SMIM36: variants seen among roughly 807,000 people sequenced by gnomAD.
The protein encoded by SMIM36 is small integral membrane protein 36.
At chr17:55,505,889 AAAATAAATG>A (rs1248785318) in intron 1 of SMIM36, among the ~76,000 whole-genome samples, 1 of 108,680 alleles carries the variant, frequency 9.2e-6, no homozygotes, top group Non-Finnish European at 1.7e-5. Flanking sequence ...CTCAGGATAC[AAAATAAATG>A]TACAAAAATC....
chr17:55,495,610 A>G (rs1054151227), intron 1 of SMIM36, among the ~76,000 whole-genome samples: 2 of 150,096 alleles, frequency 1.3e-5, no homozygotes, highest in Non-Finnish European at 2.9e-5. Context: ...CAACATAGTG[A>G]GAACCCTGTC....
chr17:55,528,392 C>T, the SMIM36 span, among the ~76,000 whole-genome samples: 1 of 151,966 alleles, frequency 6.6e-6, no homozygotes, highest in Non-Finnish European at 1.5e-5. Flanking sequence ...TACTCTGTCA[C>T]CCAGGCCTGA....
upstream of SMIM36, among the ~76,000 whole-genome samples, chr17:55,515,279 C>A (rs1189995156): frequency 2.6e-5 from 4 of 152,092 alleles, no homozygotes; most frequent in African/African-American, 9.7e-5. Flanking sequence ...CATAACCTAA[C>A]TTTCAACCTA....
intron 1 of SMIM36, among the ~76,000 whole-genome samples, chr17:55,480,786 T>C (rs912927284): frequency 1.3e-5 from 2 of 152,196 alleles, no homozygotes; most frequent in Non-Finnish European, 2.9e-5. Flanking sequence ...GAGACAATGG[T>C]TGCTCTTTGC....
the SMIM36 span, among the ~76,000 whole-genome samples, chr17:55,529,159 G>C: frequency 6.6e-6 from 1 of 152,202 alleles, no homozygotes; most frequent in South Asian, 2.1e-4. Context: ...AAAAAATGGA[G>C]GTGACAGAAC....
intron 1 of SMIM36, among the ~76,000 whole-genome samples, chr17:55,501,954 AG>A (rs1301721154): frequency 6.7e-6 from 1 of 148,772 alleles, no homozygotes; most frequent in Admixed American, 6.7e-5. Flanking sequence ...AGTCAAAGAA[AG>A]GGGTGACGGA....
chr17:55,498,280 C>T (rs1460674635), intron 1 of SMIM36, among the ~76,000 whole-genome samples: 3 of 152,186 alleles, frequency 2.0e-5, no homozygotes, highest in African/African-American at 7.2e-5. Context: ...TCCTGAGGTA[C>T]AGGGTAAGGA....
At chr17:55,462,587 C>T (rs146459237) in intron 4 of SMIM36, among the ~76,000 whole-genome samples, 1 of 152,224 alleles carries the variant, frequency 6.6e-6, no homozygotes, top group Non-Finnish European at 1.5e-5. Context: ...GCCTGGGCAA[C>T]AGAGTGAGAT....
chr17:55,462,577 G>C (rs1243071996), intron 4 of SMIM36, among the ~76,000 whole-genome samples: 1 of 152,170 alleles, frequency 6.6e-6, no homozygotes, highest in Non-Finnish European at 1.5e-5. Context: ...CTGCACTCCA[G>C]CCTGGGCAAC....
At chr17:55,453,352 G>T (rs2143223997) in intron 4 of SMIM36, among the ~76,000 whole-genome samples, 1 of 151,708 alleles carries the variant, frequency 6.6e-6, no homozygotes, top group East Asian at 1.9e-4. Flanking sequence ...ATGCAGTTAG[G>T]TTTTGAAGCA....
At chr17:55,516,288 T>C (rs543366481), upstream of SMIM36, among the ~76,000 whole-genome samples, 1 of 152,338 alleles carries the variant, frequency 6.6e-6, no homozygotes, top group African/African-American at 2.4e-5. Flanking sequence ...TCTCTTCTCC[T>C]TCATCATCCA....
At chr17:55,484,048 G>A (rs4432304) in intron 1 of SMIM36, among the ~76,000 whole-genome samples, 88,516 of 151,890 alleles carry the variant, frequency 0.58, 26,665 homozygotes, top group Middle Eastern at 0.7. Context: ...TAATTTATGA[G>A]GATAATTTAT....
In SMIM36 at chr17:55,458,824, C is replaced by T. The variant is rs369734459; in HGVS notation, c.*531+8321G>A. 1.1e-4 allele frequency among the ~76,000 whole-genome samples: 16 copies of T among 152,238 alleles called. No individual in the cohort carries two copies. In the South Asian group the frequency reaches 2.7e-3, roughly 26 times the overall value. ...CTACCTCCCTTGTGGATCCTCCGTC[C>T]GCTGAGAGCTACCTCCACGCAATAA... On this transcript the variant is annotated intron_variant, in intron 4 of 4. Transcript: ENST00000636752.
chr17:55,526,972 A>G, the SMIM36 span: 1 of 152,146 alleles, frequency 6.6e-6, no homozygotes, highest in Non-Finnish European at 1.5e-5. Flanking sequence ...CACTCTTAAG[A>G]TCATTTTATT....
intron 1 of SMIM36, among the ~76,000 whole-genome samples, chr17:55,486,518 T>C (rs911584539): frequency 6.6e-6 from 1 of 152,210 alleles, no homozygotes; most frequent in African/African-American, 2.4e-5. Context: ...TGGCTGACGA[T>C]GAATGAAGCT....
In SMIM36 at chr17:55,451,138, G is replaced by C. The variant is rs1423338702; in HGVS notation, c.*532-840C>G. 3.3e-5 allele frequency among the ~76,000 whole-genome samples: 5 copies of C among 152,268 alleles called. No homozygotes were observed. In the East Asian group the frequency reaches 5.8e-4, roughly 18 times the overall value. On this transcript the variant is annotated intron_variant, in intron 4 of 4. Coordinates refer to ENST00000636752, the Ensembl canonical transcript of SMIM36. ...CTGACCTCATAATCCGCTCTCCTCA[G>C]CCTCCCAAAGTGCTGGGATTACAGG...
chr17:55,460,060 T>C (rs1178862966), intron 4 of SMIM36, among the ~76,000 whole-genome samples: 2 of 152,162 alleles, frequency 1.3e-5, no homozygotes, highest in Non-Finnish European at 2.9e-5. Context: ...TCACTACTAG[T>C]AGTAGTAACA....
rs1332928602 is a variant in SMIM36 at position 55,499,274 on chromosome 17, A to G, written c.*174+11605T>C. On this transcript the variant is annotated intron_variant, in intron 1 of 4. Transcript: ENST00000636752. The stretch of plus-strand genomic sequence containing the variant: ...TACGGAGCAACTTCCTAGGCATGCA[A>G]TTCTAGCAGAGGAGAGAGATGGGGT... 3.3e-5 allele frequency among the ~76,000 whole-genome samples: 5 copies of G among 152,226 alleles called. No homozygotes were observed. In the East Asian group the frequency reaches 5.8e-4, roughly 18 times the overall value.
intron 4 of SMIM36, among the ~76,000 whole-genome samples, chr17:55,460,455 A>AAAAAAAAAC (rs1567862737): frequency 2.0e-5 from 3 of 148,884 alleles, no homozygotes; most frequent in Middle Eastern, 7.0e-3. Flanking sequence ...AACAAAACAA[A>AAAAAAAAAC]AAAAAAGAAC....
Sources: gnomAD v4.1 joint callset for allele counts (sites outside exome capture counted in the v4.1 genomes callset) on GRCh38, gnomAD v4.1.1 for gene constraint, MANE v1.5 for transcripts, NCBI Gene and HGNC (gene_info 2026-07-23, HGNC 2026-07-21) for gene names.